ULBP2: variants seen among roughly 807,000 people sequenced by gnomAD.
ULBP2 encodes the protein UL16 binding protein 2, also known as UL16-binding protein 2.
Under a neutral mutation model 23.6 loss-of-function variants are expected in ULBP2, and 21 were observed. The observed-to-expected ratio is 0.89, with a 90% CI of 0.63 to 1.28. ULBP2 has a LOEUF of 1.28. ULBP2 is among the 50% of genes most tolerant of loss of function. ULBP2 has a pLI of 0.00. For missense variants in ULBP2, 251 were observed against 306.0 expected (o/e 0.82, Z 1.34); for synonymous variants, 82 against 112.8 (o/e 0.73, Z 1.73).
rs116457845 is a variant in ULBP2, at chr6:149,947,655, C to T, written c.*22+204C>T. 3.9e-3 allele frequency among the ~76,000 whole-genome samples: 590 copies of T among 152,266 alleles called. 6 individuals carry two copies. The highest frequency in any genetic ancestry group is 0.014 in the African/African-American group (568 of 41,494). ...TCAGCCCTGAGTTCTGATGGATTCTCACCTTCAGAGTCCAGAGGGAAAGGG... is the reference window on the plus strand; with the variant it reads ...TCAGCCCTGAGTTCTGATGGATTCTTACCTTCAGAGTCCAGAGGGAAAGGG... On this transcript the variant is annotated intron_variant, in intron 4 of 4. Coordinates refer to ENST00000367351, the MANE Select transcript of ULBP2 (RefSeq NM_025217.4).
At position 149,947,824 on chromosome 6, in the gene ULBP2, G is replaced by C. The variant is rs367655082; in HGVS notation, c.*22+373G>C. ...AGACATGGGCAGTCCTCTTAATTGG[G>C]TTAGGTGCATCATGGTAGCTTTACA... On this transcript the variant is annotated intron_variant, in intron 4 of 4. Transcript: ENST00000367351. Among the ~76,000 whole-genome samples the C allele has an allele frequency of 9.5e-3, 1,445 of 151,850 alleles. 5 individuals are homozygous for C. Among genetic ancestry groups the C allele is most frequent in the African/African-American group, 0.033 (1,370 of 41,324 alleles).
intron 1 of ULBP2, among the ~76,000 whole-genome samples, chr6:149,943,003 GT>G (rs1183222763): frequency 1.3e-5 from 2 of 152,156 alleles, no homozygotes; most frequent in African/African-American, 4.8e-5. Context: ...TCCTACGGGG[GT>G]GTCAGCGTCA....
At chr6:149,942,733 G>A (rs1778882194) in intron 1 of ULBP2, among the ~76,000 whole-genome samples, 1 of 152,044 alleles carries the variant, frequency 6.6e-6, no homozygotes, top group Non-Finnish European at 1.5e-5. Context: ...CACCACCCAG[G>A]TCACGTCCTC....
At chr6:149,942,433 C>G (rs1453775314) in intron 1 of ULBP2, among the ~76,000 whole-genome samples, 3 of 152,078 alleles carry the variant, frequency 2.0e-5, no homozygotes, top group African/African-American at 7.3e-5. Flanking sequence ...GGGCGGGGAT[C>G]CCTGGTGCAG....
rs572666232 is a variant in ULBP2, at chr6:149,945,676, C to T, written c.349+104C>T. The T allele has an allele frequency of 1.2e-4, 195 of 1,599,082 alleles. 1 individual carries two copies. In the East Asian group the frequency reaches 2.5e-3, roughly 20 times the overall value. On this transcript the variant is annotated intron_variant, in intron 2 of 4. Coordinates refer to ENST00000367351, the MANE Select transcript of ULBP2 (RefSeq NM_025217.4). ...TACAAAAGGGTCCTGGGCACGGTGG[C>T]TCACGCCTGTAGTCCCAGCACTTTG...
intron 3 of ULBP2, among the ~76,000 whole-genome samples, 175 bp from the exon 4 acceptor site, chr6:149,947,145 G>A (rs1374467292): frequency 6.6e-6 from 1 of 151,866 alleles, no homozygotes; most frequent in Non-Finnish European, 1.5e-5. Flanking sequence ...CTGAGGACAA[G>A]ACTCACCCCG....
In ULBP2 at chr6:149,942,934, G is replaced by A. The variant is rs542844392; in HGVS notation, c.85+777G>A. The stretch of plus-strand genomic sequence containing the variant: ...GCACCATTTCCTCCAGGATGACCCT[G>A]GGAACTCTGGTGAGTAGAGGCACCC... On this transcript the variant is annotated intron_variant, in intron 1 of 4. Coordinates refer to ENST00000367351, the MANE Select transcript of ULBP2 (RefSeq NM_025217.4). Among the ~76,000 whole-genome samples the A allele has an allele frequency of 1.3e-4, 20 of 152,302 alleles. No individual in the cohort carries two copies. In the East Asian group the frequency reaches 2.5e-3, roughly 19 times the overall value.
Position 149,945,479 on chromosome 6 carries a change from G to T in ULBP2, c.256G>T (p.Ala86Ser). The T allele has an allele frequency of 1.2e-6, 2 of 1,614,058 alleles. No homozygotes were observed. Among genetic ancestry groups the T allele is most frequent in the Middle Eastern group, 1.7e-4 (1 of 6,056 alleles). Reference protein sequence around the residue: ...PLGKKLNVTTAWKAQNPVLRE... With the variant: ...PLGKKLNVTTSWKAQNPVLRE... The stretch of plus-strand genomic sequence containing the variant: ...GGGGAAGAAACTAAATGTCACAACG[G>T]CCTGGAAAGCACAGAACCCAGTACT... The change falls in exon 2 of 5, where the codon GCC becomes TCC. Residue 86 changes from alanine to serine, a missense_variant. By Grantham distance (99) the Ala-to-Ser change is moderately conservative. This residue lies in a region of ULBP2 where 248 missense variants were observed against 258.9 expected (regional missense o/e 0.96). Transcript: ENST00000367351.
chr6:149,945,940 CA>C (rs57354290), intron 2 of ULBP2, among the ~76,000 whole-genome samples: 2,725 of 72,674 alleles, frequency 0.037, 24 homozygotes, highest in South Asian at 0.1. Flanking sequence ...GACTTTGTCT[CA>C]AAAAAAAAAA....
At chr6:149,946,206 C>A (rs867668625) in intron 2 of ULBP2, among the ~76,000 whole-genome samples, 166 bp from the exon 3 acceptor site, 61 of 126,232 alleles carry the variant, frequency 4.8e-4, no homozygotes, top group Admixed American at 5.7e-4. Context: ...GACCCTTTCT[C>A]AAAAAAAAAA....
Position 149,949,152 on chromosome 6 carries a change from A to C in ULBP2, c.*452A>C, listed in dbSNP as rs892462584. 1 of 156,022 alleles carries C rather than the reference A, an allele frequency of 6.4e-6. No individual in the cohort carries two copies. Among genetic ancestry groups the C allele is most frequent in the African/African-American group, 2.4e-5 (1 of 41,478 alleles). The allele number at this position is 156,022 out of a possible 1,614,324, so 9.7% of individuals were successfully genotyped here. A position where few individuals can be genotyped will look rare whatever the true frequency, so the allele number is the denominator to read the frequency against. On this transcript the variant is annotated 3_prime_UTR_variant, in exon 5 of 5. Transcript: ENST00000367351. ...GAGAATTTTTAAATTATTTAATAAG[A>C]AAAAATTTATATTAATGATTGTTTC...
intron 2 of ULBP2, among the ~76,000 whole-genome samples, chr6:149,945,906 A>T (rs1388590451): frequency 7.2e-6 from 1 of 138,150 alleles, no homozygotes; most frequent in Non-Finnish European, 1.5e-5. Context: ...GTGCCACTGC[A>T]CTCCAGCCTG....
At chr6:149,946,260 G>A in intron 2 of ULBP2, 112 bp from the exon 3 acceptor site, 1 of 1,341,720 alleles carries the variant, frequency 7.5e-7, no homozygotes, top group Non-Finnish European at 1.0e-6. Context: ...CAAGAGTCTA[G>A]AGGCAAGGCC....
At chr6:149,945,620 G>T in intron 2 of ULBP2, 48 bp downstream of exon 2, 10 of 1,613,858 alleles carry the variant, frequency 6.2e-6, no homozygotes, top group Non-Finnish European at 8.5e-6. Flanking sequence ...ACAGTGGTAG[G>T]TTAGAGGCAT....
In ULBP2 at chr6:149,949,023, T is replaced by G. The variant is rs1198498766; in HGVS notation, c.*323T>G. On this transcript the variant is annotated 3_prime_UTR_variant, in exon 5 of 5. Coordinates refer to ENST00000367351, the MANE Select transcript of ULBP2 (RefSeq NM_025217.4). ...CTTTCTTCTCTTTTTGTTTGGAAAA[T>G]CAAGTACTTCTTTGAATGATGATCT... is the stretch of plus-strand genomic sequence containing the variant. 2 of 204,556 alleles carry G rather than the reference T, an allele frequency of 9.8e-6. No individual in the cohort carries two copies. Among genetic ancestry groups the G allele is most frequent in the East Asian group, 2.9e-4 (2 of 6,792 alleles). The allele number at this position is 204,556 out of a possible 1,614,324, so 12.7% of individuals were successfully genotyped here. A position where few individuals can be genotyped will look rare whatever the true frequency, so the allele number is the denominator to read the frequency against.
chr6:149,943,523 C>A (rs144977289), intron 1 of ULBP2, among the ~76,000 whole-genome samples: 1 of 152,102 alleles, frequency 6.6e-6, no homozygotes, highest in Admixed American at 6.5e-5. Flanking sequence ...TCTTGGTTCC[C>A]GGTGGCCCTG....
Position 149,949,061 on chromosome 6 carries a change from T to C in ULBP2, c.*361T>C, listed in dbSNP as rs1299292735. On this transcript the variant is annotated 3_prime_UTR_variant, in exon 5 of 5. Coordinates refer to ENST00000367351, the MANE Select transcript of ULBP2 (RefSeq NM_025217.4). ...TGAATGATGATCTCTTTCTTGCAAA[T>C]GATATTGTCAGTAAAATAATCACGT... The C allele has an allele frequency of 5.2e-6, 1 of 190,672 alleles. No individual in the cohort carries two copies. 11.8% of individuals were successfully genotyped at this position (190,672 alleles called of 1,614,324 possible). A position where few individuals can be genotyped will look rare whatever the true frequency, so the allele number is the denominator to read the frequency against.
In ULBP2 at chr6:149,945,356, C is replaced by T. The variant is rs146890769; in HGVS notation, c.133C>T (p.Pro45Ser). 9.3e-5 allele frequency: 150 copies of T among 1,612,294 alleles called. No individual in the cohort carries two copies. The African/African-American group carries it at 1.7e-3, about 18-fold the overall frequency. The change falls in exon 2 of 5, where the codon CCT becomes TCT. Residue 45 changes from proline to serine, a missense_variant. Transcript: ENST00000367351. Reference protein sequence around the residue: ...YDITVIPKFRPGPRWCAVQGQ... With the variant: ...YDITVIPKFRSGPRWCAVQGQ... ...CATCACCGTCATCCCTAAGTTCAGA[C>T]CTGGACCACGGTGGTGTGCGGTTCA... is the stretch of plus-strand genomic sequence containing the variant.
chr6:149,946,186 G>T (rs1366199657), intron 2 of ULBP2, among the ~76,000 whole-genome samples, 186 bp from the exon 3 acceptor site: 5 of 142,912 alleles, frequency 3.5e-5, no homozygotes, highest in African/African-American at 1.3e-4. Context: ...CAGCCTGGGT[G>T]ACAGAGCGAG....
Sources: gnomAD v4.1 joint callset for allele counts (sites outside exome capture counted in the v4.1 genomes callset) on GRCh38, gnomAD v4.1.1 for gene constraint, gnomAD v4.1.1 regional missense constraint, MANE v1.5 for transcripts, NCBI Gene and HGNC (gene_info 2026-07-23, HGNC 2026-07-21) for gene names.